The following DLGAP1 variants were observed in gnomAD, a reference collection of about 807,000 sequenced individuals.
DLGAP1 encodes the protein disks large-associated protein 1.
Under a neutral mutation model 90.8 loss-of-function variants are expected in DLGAP1, and 11 were observed. The observed-to-expected ratio is 0.12, with a 90% CI of 0.08 to 0.20. The LOEUF (loss-of-function observed/expected upper bound fraction) is 0.20, where lower values mean the gene tolerates loss of function less well. Among genes scored for constraint, DLGAP1 ranks in the 10% least tolerant of loss-of-function variants. DLGAP1 has a pLI of 1.00. For synonymous variants in DLGAP1, 558 were observed against 540.7 expected (o/e 1.03, Z -0.44); for missense variants, 1,050 against 1,333.8 (o/e 0.79, Z 3.31).
chr18:3,926,520 GCA>G (rs1380262865), intron 3 of DLGAP1, among the ~76,000 whole-genome samples: 5 of 150,816 alleles, frequency 3.3e-5, no homozygotes, highest in African/African-American at 1.2e-4. Context: ...TTGACCATAT[GCA>G]CATATATACA....
chr18:4,046,762 T>C (rs538241340), intron 2 of DLGAP1, among the ~76,000 whole-genome samples: 3 of 152,362 alleles, frequency 2.0e-5, no homozygotes, highest in Admixed American at 6.5e-5. Flanking sequence ...TGTGGGTTGA[T>C]AGGAAATTCT....
At chr18:4,136,159 G>A (rs1331789225) in intron 2 of DLGAP1, among the ~76,000 whole-genome samples, 2 of 152,026 alleles carry the variant, frequency 1.3e-5, no homozygotes, top group Non-Finnish European at 2.9e-5. Context: ...TGGACAATTA[G>A]GTAGATTCCA....
At chr18:4,449,198 C>T (rs1019920711) in intron 1 of DLGAP1, among the ~76,000 whole-genome samples, 2 of 152,268 alleles carry the variant, frequency 1.3e-5, no homozygotes, top group Admixed American at 1.3e-4. Context: ...TAAAGTAAGA[C>T]AATTAATCTA....
At chr18:4,220,726 C>A (rs2078056941) in intron 1 of DLGAP1, among the ~76,000 whole-genome samples, 1 of 152,034 alleles carries the variant, frequency 6.6e-6, no homozygotes, top group Admixed American at 6.6e-5. Flanking sequence ...TATTCCCTAA[C>A]AAACCTACAA....
chr18:4,119,707 A>T (rs1291249771), intron 2 of DLGAP1, among the ~76,000 whole-genome samples: 1 of 152,222 alleles, frequency 6.6e-6, no homozygotes, highest in Non-Finnish European at 1.5e-5. Context: ...TTTAAAAAAA[A>T]ATCTGCTTAT....
chr18:3,499,181 G>A lies in DLGAP1; in HGVS notation c.*4C>T. The A allele has an allele frequency of 5.1e-6, 8 of 1,560,986 alleles. No individual in the cohort carries two copies. The highest frequency in any genetic ancestry group is 6.9e-6 in the Non-Finnish European group (8 of 1,160,126). On this transcript the variant is annotated 3_prime_UTR_variant, in exon 13 of 13. Transcript: ENST00000315677. The surrounding 1 kb of genome is among the most constrained non-coding windows in gnomAD (Gnocchi z 6.4). ...TTGGCGGCGGCGGCCGGGCTGCGGG[G>A]CGCTCAGAGCCGGGTCTGCGCCTCG...
At chr18:3,561,822 TA>T (rs1406667234) in intron 9 of DLGAP1, among the ~76,000 whole-genome samples, 1 of 150,936 alleles carries the variant, frequency 6.6e-6, no homozygotes, top group Non-Finnish European at 1.5e-5. Flanking sequence ...ACATACCTGA[TA>T]CTGCGCAATT....
chr18:4,132,350 G>A (rs147652745), intron 2 of DLGAP1, among the ~76,000 whole-genome samples: 1 of 152,086 alleles, frequency 6.6e-6, no homozygotes, highest in East Asian at 1.9e-4. Flanking sequence ...TTCATGATTG[G>A]CCTATATTAG....
At chr18:3,855,712 C>T (rs551801134) in intron 4 of DLGAP1, among the ~76,000 whole-genome samples, 2 of 152,134 alleles carry the variant, frequency 1.3e-5, no homozygotes, top group African/African-American at 2.4e-5. Context: ...CTCCCCGGTA[C>T]AAGCAATTCT....
At chr18:3,985,774 T>C (rs1453892984) in intron 3 of DLGAP1, among the ~76,000 whole-genome samples, 4 of 152,164 alleles carry the variant, frequency 2.6e-5, no homozygotes, top group Non-Finnish European at 5.9e-5. Context: ...AATACCCCAG[T>C]ATGAGTCATT....
intron 3 of DLGAP1, chr18:3,995,177 C>T (rs1187515869): frequency 6.6e-6 from 1 of 151,262 alleles, no homozygotes; most frequent in Admixed American, 6.6e-5. Flanking sequence ...TAGTGGCTGG[C>T]ATTATGGATT....
chr18:3,985,779 G>A (rs8087533), intron 3 of DLGAP1, among the ~76,000 whole-genome samples: 89,037 of 151,858 alleles, frequency 0.59, 27,328 homozygotes, highest in African/African-American at 0.78. Context: ...CCCAGTATGA[G>A]TCATTTGCTT....
At chr18:3,845,415 G>C in intron 4 of DLGAP1, 1 of 1,370,938 alleles carries the variant, frequency 7.3e-7, no homozygotes, top group Non-Finnish European at 9.5e-7. Context: ...GGTTGGTCAT[G>C]GCTCACAACT....
rs1214861217 is a variant in DLGAP1, at chr18:3,563,700, C to T, written c.2057+3790G>A. Among the ~76,000 whole-genome samples, 6 of 152,194 alleles carry T rather than the reference C, an allele frequency of 3.9e-5. No individual in the cohort carries two copies. The South Asian group carries it at 8.3e-4, about 21-fold the overall frequency. ...GCCAGGCTGGTCTTGAACTCCTGAG[C>T]TCTGGTGATCCGCCCACCTTGGCCT... is the stretch of plus-strand genomic sequence containing the variant. On this transcript the variant is annotated intron_variant, in intron 9 of 12. Transcript: ENST00000315677.
At chr18:3,755,270 C>T (rs920735416) in intron 5 of DLGAP1, among the ~76,000 whole-genome samples, 1 of 151,824 alleles carries the variant, frequency 6.6e-6, no homozygotes, top group Non-Finnish European at 1.5e-5. Context: ...AGCAAAATGG[C>T]AAATCTAAAT....
At chr18:4,382,617 A>C (rs2144334171) in intron 1 of DLGAP1, among the ~76,000 whole-genome samples, 1 of 152,108 alleles carries the variant, frequency 6.6e-6, no homozygotes, top group East Asian at 1.9e-4. Flanking sequence ...AAAAAAACCT[A>C]TGTTTTGTAT....
chr18:3,943,923 G>A (rs561041020), intron 3 of DLGAP1, among the ~76,000 whole-genome samples: 1 of 152,298 alleles, frequency 6.6e-6, no homozygotes, highest in African/African-American at 2.4e-5. Context: ...ACAGCCACCT[G>A]CAAGTCAAGA....
At chr18:4,135,032 T>C (rs1433513099) in intron 2 of DLGAP1, among the ~76,000 whole-genome samples, 1 of 152,052 alleles carries the variant, frequency 6.6e-6, no homozygotes, top group Non-Finnish European at 1.5e-5. Context: ...TGAAACACAG[T>C]AGAAACTACC....
intron 7 of DLGAP1, among the ~76,000 whole-genome samples, chr18:3,591,494 G>T (rs2056244261): frequency 6.6e-6 from 1 of 151,872 alleles, no homozygotes; most frequent in Non-Finnish European, 1.5e-5. Flanking sequence ...TCTGAGACCA[G>T]CTAGAGCAAC....
Sources: gnomAD v4.1 joint callset for allele counts (sites outside exome capture counted in the v4.1 genomes callset) on GRCh38, gnomAD v4.1.1 for gene constraint, Gnocchi (gnomAD v3.1) non-coding constraint, MANE v1.5 for transcripts, NCBI Gene and HGNC (gene_info 2026-07-23, HGNC 2026-07-21) for gene names.